Variants in INSC observed in about 807,000 individuals in gnomAD.
INSC encodes the protein protein inscuteable homolog.
In INSC, 67 loss-of-function variants were observed where a neutral mutation model predicts 58.6. The observed-to-expected ratio is 1.14, with a 90% CI of 0.94 to 1.40. The LOEUF is 1.40. Ranked by LOEUF, INSC falls within the 40% of genes most tolerant of loss-of-function variation. The pLI, the probability that INSC is intolerant of heterozygous loss-of-function variation, is 0.00. For missense variants in INSC, 714 were observed against 692.0 expected, an observed-to-expected ratio of 1.03 and a Z score of -0.36; for synonymous variants, 262 against 276.1, an observed-to-expected ratio of 0.95 and a Z score of 0.51.
chr11:15,149,154 T>C lies in INSC; in HGVS notation c.-21T>C. 6.2e-7 allele frequency: 1 copy of C among 1,611,224 alleles called. No homozygotes were observed. The highest frequency in any genetic ancestry group is 1.1e-5 in the South Asian group (1 of 90,704). On this transcript the variant is annotated 5_prime_UTR_variant, in exon 2 of 13. Coordinates refer to ENST00000379556, the MANE Select transcript of INSC (RefSeq NM_001042536.3). ...GGGTCACGACCGCTGCAAGCAGGCT[T>C]TGCTGCAGATTGGGATCAACATGAT... is the stretch of plus-strand genomic sequence containing the variant.
chr11:15,241,797 T>G (rs888546955), intron 12 of INSC, among the ~76,000 whole-genome samples: 1 of 152,240 alleles, frequency 6.6e-6, no homozygotes. Flanking sequence ...GTATGTGATA[T>G]ATTAATATAT....
chr11:15,168,672 AT>A (rs1197545346), intron 2 of INSC, among the ~76,000 whole-genome samples: 4 of 152,140 alleles, frequency 2.6e-5, no homozygotes, highest in African/African-American at 7.2e-5. Flanking sequence ...ATTATTATCT[AT>A]TTTGTGGATG....
Position 15,123,084 on chromosome 11 carries a change from A to C in INSC, c.-46+8081A>C, listed in dbSNP as rs562234146. 2.6e-5 allele frequency among the ~76,000 whole-genome samples: 4 copies of C among 151,800 alleles called. No homozygotes were observed. The East Asian group carries it at 7.8e-4, about 29-fold the overall frequency. On this transcript the variant is annotated intron_variant, in intron 1 of 12. Coordinates refer to ENST00000379556, the MANE Select transcript of INSC (RefSeq NM_001042536.3). Reference sequence around the variant, plus strand: ...GCTTGTTAGGCTCCCTCCCACCATAAATCTTTGTATTTGCTGTTCCTCTGC... The same window carrying C: ...GCTTGTTAGGCTCCCTCCCACCATACATCTTTGTATTTGCTGTTCCTCTGC...
intron 8 of INSC, among the ~76,000 whole-genome samples, chr11:15,222,714 T>C (rs185728415): frequency 6.6e-6 from 1 of 152,346 alleles, no homozygotes; most frequent in East Asian, 1.9e-4. Context: ...TGCAAGTACT[T>C]TGCACATAGA....
chr11:15,240,643 G>T, intron 12 of INSC, 120 bp downstream of exon 12: 1 of 738,032 alleles, frequency 1.4e-6, no homozygotes. Context: ...CTGGGCTTTA[G>T]CTTTTCTCTT....
chr11:15,220,294 A>C (rs1851388113), intron 7 of INSC, among the ~76,000 whole-genome samples: 1 of 152,078 alleles, frequency 6.6e-6, no homozygotes, highest in African/African-American at 2.4e-5. Flanking sequence ...CCCCTGCCTC[A>C]TCCCTACCTC....
Position 15,176,965 on chromosome 11 carries a change from T to C in INSC, c.403-146T>C, listed in dbSNP as rs576516575. On this transcript the variant is annotated intron_variant, in intron 3 of 12. Transcript: ENST00000379556. ...CTACCGTGAGCTCTTTCACCACCTG[T>C]ATCACACTGTGTTATATTTTAACTG... is the stretch of plus-strand genomic sequence containing the variant. 15 of 693,824 alleles carry C rather than the reference T, an allele frequency of 2.2e-5. No individual in the cohort carries two copies. In the South Asian group the frequency reaches 2.2e-4, roughly 10 times the overall value. The allele number at this position is 693,824 out of a possible 1,614,324, so 43.0% of individuals were successfully genotyped here. A position where few individuals can be genotyped will look rare whatever the true frequency, so the allele number is the denominator to read the frequency against.
At chr11:15,244,153 C>T (rs1167844403) in intron 12 of INSC, among the ~76,000 whole-genome samples, 1 of 152,150 alleles carries the variant, frequency 6.6e-6, no homozygotes, top group Admixed American at 6.5e-5. Flanking sequence ...TCCTCATCTT[C>T]AGAAAATCCC....
At chr11:15,218,444 G>A (rs1230905857) in intron 7 of INSC, among the ~76,000 whole-genome samples, 1 of 152,132 alleles carries the variant, frequency 6.6e-6, no homozygotes. Flanking sequence ...CATGAAAGGT[G>A]TGCTGGGGAT....
intron 9 of INSC, among the ~76,000 whole-genome samples, chr11:15,231,981 A>G (rs1433257885): frequency 6.6e-6 from 1 of 152,220 alleles, no homozygotes; most frequent in Admixed American, 6.5e-5. Flanking sequence ...GCTGACATCA[A>G]AAGGCCTCGC....
chr11:15,266,193 A>G, the INSC span, among the ~76,000 whole-genome samples: 4,430 of 152,046 alleles, frequency 0.029, 97 homozygotes, highest in Non-Finnish European at 0.04. Flanking sequence ...GGAGAAGAGA[A>G]TAAAATAGGT....
intron 1 of INSC, among the ~76,000 whole-genome samples, chr11:15,126,114 A>C (rs1847988870): frequency 6.6e-6 from 1 of 152,182 alleles, no homozygotes; most frequent in Admixed American, 6.5e-5. Flanking sequence ...GAGTTTGGGG[A>C]GACACAGGTT....
chr11:15,163,600 A>T (rs938142575), intron 2 of INSC, among the ~76,000 whole-genome samples: 1 of 151,842 alleles, frequency 6.6e-6, no homozygotes, highest in Non-Finnish European at 1.5e-5. Flanking sequence ...TTATGTATTT[A>T]TTTTTTTGAG....
intron 2 of INSC, among the ~76,000 whole-genome samples, chr11:15,168,552 C>T (rs1278066911): frequency 6.6e-6 from 1 of 152,190 alleles, no homozygotes; most frequent in African/African-American, 2.4e-5. Flanking sequence ...GGAAGAGCAG[C>T]ACAGAGAACT....
chr11:15,207,228 G>T lies in INSC; in HGVS notation c.819+6279G>T, dbSNP rs527325849. ...CTCAGACAACCTTCAGGACAGTTCT[G>T]GTCATTGTCTTTTCCAGAACTGAAA... On this transcript the variant is annotated intron_variant, in intron 7 of 12. Transcript: ENST00000379556. Among the ~76,000 whole-genome samples, 54 of 152,266 alleles carry T rather than the reference G, an allele frequency of 3.5e-4. No individual in the cohort carries two copies. In the South Asian group the frequency reaches 0.01, roughly 29 times the overall value.
the INSC span, among the ~76,000 whole-genome samples, chr11:15,258,704 G>A: frequency 6.0e-5 from 9 of 150,204 alleles, no homozygotes; most frequent in Non-Finnish European, 1.3e-4. Context: ...TTCTGGAGCA[G>A]GAGAACTCCC....
intron 1 of INSC, among the ~76,000 whole-genome samples, chr11:15,140,756 T>G (rs1014520156): frequency 1.3e-5 from 2 of 152,030 alleles, no homozygotes; most frequent in African/African-American, 4.8e-5. Flanking sequence ...ATTTTTCTTT[T>G]TCTTTTTTTG....
chr11:15,119,218 G>A (rs943026013), intron 1 of INSC, among the ~76,000 whole-genome samples: 4 of 152,228 alleles, frequency 2.6e-5, no homozygotes, highest in African/African-American at 9.6e-5. Context: ...GCTGGAGACT[G>A]TTGCTGTGTG....
chr11:15,215,645 T>TGTTA (rs1402750133), intron 7 of INSC, among the ~76,000 whole-genome samples: 1 of 152,224 alleles, frequency 6.6e-6, no homozygotes, highest in African/African-American at 2.4e-5. Flanking sequence ...AACTGCTGTG[T>TGTTA]GTTAGGCCTC....
Sources: allele counts gnomAD v4.1 joint callset (sites outside exome capture counted in the v4.1 genomes callset), GRCh38; gene constraint gnomAD v4.1.1; transcripts MANE v1.5; gene names NCBI Gene and HGNC (gene_info 2026-07-23, HGNC 2026-07-21).